KIAA1217: variants seen among roughly 807,000 people sequenced by gnomAD.
KIAA1217 encodes KIAA1217, also known as sickle tail protein homolog.
A neutral mutation model predicts 163.9 loss-of-function variants in KIAA1217; 88 were observed. That is an observed-to-expected ratio of 0.54 (90% CI 0.45 to 0.64). The LOEUF (loss-of-function observed/expected upper bound fraction) is 0.64, where lower values mean the gene tolerates loss of function less well. Among genes scored for constraint, KIAA1217 ranks in the 30% least tolerant of loss-of-function variants. KIAA1217 has a pLI of 0.00. For synonymous variants in KIAA1217, 903 were observed against 923.1 expected, an observed-to-expected ratio of 0.98 and a Z score of 0.39; for missense variants, 2,372 against 2,475.0, an observed-to-expected ratio of 0.96 and a Z score of 0.88.
upstream of KIAA1217, among the ~76,000 whole-genome samples, chr10:24,204,365 T>C (rs2067431193): frequency 1.3e-5 from 2 of 152,194 alleles, no homozygotes; most frequent in Admixed American, 6.5e-5. Flanking sequence ...GATCTATGAG[T>C]CATATAGAAA....
chr10:24,162,086 C>A (rs1357731522), intron 2 of KIAA1217, among the ~76,000 whole-genome samples: 1 of 152,182 alleles, frequency 6.6e-6, no homozygotes, highest in Non-Finnish European at 1.5e-5. Context: ...CCCCAAACTG[C>A]AAGTATTTTG....
intron 1 of KIAA1217, among the ~76,000 whole-genome samples, chr10:23,961,070 A>G (rs1844798186): frequency 6.6e-6 from 1 of 152,220 alleles, no homozygotes; most frequent in Non-Finnish European, 1.5e-5. Context: ...GGAATTCCAT[A>G]AAACACTTTA....
At chr10:23,770,411 A>G (rs1564405518) in intron 1 of KIAA1217, among the ~76,000 whole-genome samples, 1 of 152,196 alleles carries the variant, frequency 6.6e-6, no homozygotes, top group Non-Finnish European at 1.5e-5. Flanking sequence ...ATTGCTTAAA[A>G]TATTCCTTCA....
chr10:23,899,282 T>C (rs944492327), intron 1 of KIAA1217, among the ~76,000 whole-genome samples: 1 of 152,154 alleles, frequency 6.6e-6, no homozygotes, highest in Non-Finnish European at 1.5e-5. Flanking sequence ...CTGATCTATA[T>C]TCCTGCATGA....
At chr10:24,269,325 C>A (rs1219089344) in intron 2 of KIAA1217, among the ~76,000 whole-genome samples, 1 of 151,500 alleles carries the variant, frequency 6.6e-6, no homozygotes, top group Non-Finnish European at 1.5e-5. Flanking sequence ...GAGTTTGAGA[C>A]CACCCTGGGC....
chr10:24,282,392 G>C (rs1590567993), intron 2 of KIAA1217, among the ~76,000 whole-genome samples: 1 of 152,256 alleles, frequency 6.6e-6, no homozygotes, highest in East Asian at 1.9e-4. Flanking sequence ...TGAGGAGTGT[G>C]CTATGTTCCC....
At chr10:23,872,169 G>C (rs1262133660) in intron 1 of KIAA1217, among the ~76,000 whole-genome samples, 1 of 152,012 alleles carries the variant, frequency 6.6e-6, no homozygotes, top group African/African-American at 2.4e-5. Context: ...GAGACTAGGG[G>C]GTCTGGGAAA....
intron 2 of KIAA1217, chr10:24,158,607 A>G (rs768028650): frequency 1.4e-5 from 7 of 508,374 alleles, no homozygotes; most frequent in Non-Finnish European, 2.4e-5. Context: ...TATCATCTCC[A>G]TCTTTCGCCT....
intron 1 of KIAA1217, among the ~76,000 whole-genome samples, chr10:23,899,157 A>G (rs1841846785): frequency 6.6e-6 from 1 of 152,080 alleles, no homozygotes; most frequent in South Asian, 2.1e-4. Flanking sequence ...TCGTATTCAT[A>G]TTGTGTGCAC....
chr10:24,335,968 C>G (rs1159878566), intron 2 of KIAA1217, among the ~76,000 whole-genome samples: 4 of 152,246 alleles, frequency 2.6e-5, no homozygotes, highest in Non-Finnish European at 4.4e-5. Flanking sequence ...AGGCCAGGCA[C>G]AGTGGCTCAC....
chr10:23,832,022 C>G (rs1381264446), intron 1 of KIAA1217, among the ~76,000 whole-genome samples: 1 of 152,180 alleles, frequency 6.6e-6, no homozygotes, highest in Non-Finnish European at 1.5e-5. Flanking sequence ...TGGACACCAA[C>G]TGGGTATCCT....
intron 2 of KIAA1217, among the ~76,000 whole-genome samples, chr10:24,157,241 A>G (rs1481912928): frequency 6.6e-6 from 1 of 152,180 alleles, no homozygotes; most frequent in Non-Finnish European, 1.5e-5. Context: ...CATGCCCTTA[A>G]TGAACAATTT....
chr10:23,740,690 C>A (rs1839057064), intron 1 of KIAA1217, among the ~76,000 whole-genome samples: 1 of 152,038 alleles, frequency 6.6e-6, no homozygotes, highest in Non-Finnish European at 1.5e-5. Flanking sequence ...AAAAGTTCCA[C>A]CCAGGTCTGT....
At chr10:23,783,590 G>A (rs1393504278) in intron 1 of KIAA1217, among the ~76,000 whole-genome samples, 1 of 152,112 alleles carries the variant, frequency 6.6e-6, no homozygotes, top group Non-Finnish European at 1.5e-5. Context: ...AATAAGTGTG[G>A]AAGTATTCCA....
intron 1 of KIAA1217, among the ~76,000 whole-genome samples, chr10:23,706,400 T>A (rs903736517): frequency 4.6e-5 from 7 of 152,184 alleles, no homozygotes; most frequent in African/African-American, 1.7e-4. Flanking sequence ...TAATGCTAGC[T>A]GTAGGTTTTC....
chr10:23,734,989 A>G (rs1403048043), intron 1 of KIAA1217, among the ~76,000 whole-genome samples: 1 of 151,848 alleles, frequency 6.6e-6, no homozygotes, highest in African/African-American at 2.4e-5. Context: ...AAGCCCCAGT[A>G]TGTGTTTTTC....
At chr10:24,187,306 A>G (rs1040071502) in intron 2 of KIAA1217, among the ~76,000 whole-genome samples, 3 of 151,984 alleles carry the variant, frequency 2.0e-5, no homozygotes, top group African/African-American at 7.3e-5. Context: ...TGACTGGGCT[A>G]ATGGTGATTA....
At chr10:24,201,372 G>T in intron 2 of KIAA1217, among the ~76,000 whole-genome samples, 1 of 152,192 alleles carries the variant, frequency 6.6e-6, no homozygotes, top group East Asian at 1.9e-4. Flanking sequence ...GGCCCAACCA[G>T]TCATTAAATA....
At chr10:23,847,270 T>TC (rs1564471552) in intron 1 of KIAA1217, among the ~76,000 whole-genome samples, 2 of 151,834 alleles carry the variant, frequency 1.3e-5, no homozygotes, top group African/African-American at 4.9e-5. Flanking sequence ...AGGGAGGATC[T>TC]CCTCTTTTTC....
Sources: gnomAD v4.1 joint callset for allele counts (sites outside exome capture counted in the v4.1 genomes callset) on GRCh38, gnomAD v4.1.1 for gene constraint, MANE v1.5 for transcripts, NCBI Gene and HGNC (gene_info 2026-07-23, HGNC 2026-07-21) for gene names.